Variants in CNTNAP2 observed in about 807,000 individuals in gnomAD.
The protein encoded by CNTNAP2 is contactin-associated protein-like 2.
Under a neutral mutation model 155.2 loss-of-function variants are expected in CNTNAP2, and 98 were observed. That is an observed-to-expected ratio of 0.63 (90% CI 0.54 to 0.75). The LOEUF (loss-of-function observed/expected upper bound fraction) is 0.75. Ranked by LOEUF, CNTNAP2 falls within the 30% of genes least tolerant of loss-of-function variation. CNTNAP2 has a pLI of 0.00. For missense variants in CNTNAP2, 1,727 were observed against 1,688.1 expected (o/e 1.02, Z -0.40); for synonymous variants, 651 against 631.2 (o/e 1.03, Z -0.47).
intron 14 of CNTNAP2, among the ~76,000 whole-genome samples, chr7:147,907,347 C>T (rs938896686): frequency 2.0e-5 from 3 of 152,304 alleles, no homozygotes; most frequent in African/African-American, 7.2e-5. Flanking sequence ...TGAGCCATCG[C>T]GCCCAGCCAT....
intron 8 of CNTNAP2, among the ~76,000 whole-genome samples, chr7:147,137,370 T>C (rs573807130): frequency 1.3e-5 from 2 of 151,576 alleles, no homozygotes; most frequent in Non-Finnish European, 3.0e-5. Context: ...AATAATATAA[T>C]ACTAATGTTG....
intron 17 of CNTNAP2, among the ~76,000 whole-genome samples, chr7:148,161,135 A>T (rs1237764217): frequency 6.6e-6 from 1 of 152,172 alleles, no homozygotes; most frequent in Non-Finnish European, 1.5e-5. Flanking sequence ...TCTTATTCTT[A>T]TAGTTTGTCA....
At chr7:146,136,183 T>C (rs1237674081) in intron 1 of CNTNAP2, among the ~76,000 whole-genome samples, 1 of 152,204 alleles carries the variant, frequency 6.6e-6, no homozygotes, top group East Asian at 1.9e-4. Flanking sequence ...GATTGATCAG[T>C]GTACTCTATG....
chr7:147,941,615 A>C (rs1484861099), intron 14 of CNTNAP2, among the ~76,000 whole-genome samples: 1 of 152,186 alleles, frequency 6.6e-6, no homozygotes, highest in Non-Finnish European at 1.5e-5. Flanking sequence ...TCTCTTCCAG[A>C]GTTCTTACTC....
At chr7:147,207,663 T>A (rs911708331) in intron 8 of CNTNAP2, among the ~76,000 whole-genome samples, 1 of 152,096 alleles carries the variant, frequency 6.6e-6, no homozygotes, top group Non-Finnish European at 1.5e-5. Context: ...GTTCTATAAG[T>A]TTTTTTAGCT....
chr7:147,439,354 A>G (rs978609752), intron 10 of CNTNAP2, among the ~76,000 whole-genome samples: 20 of 152,096 alleles, frequency 1.3e-4, no homozygotes, highest in African/African-American at 4.8e-4. Context: ...CTGGTTATTC[A>G]GGAGCATATT....
intron 13 of CNTNAP2, among the ~76,000 whole-genome samples, chr7:147,657,384 G>A (rs1795540082): frequency 6.6e-6 from 1 of 152,168 alleles, no homozygotes; most frequent in African/African-American, 2.4e-5. Context: ...AAATTCAATG[G>A]GAGGGGTTGG....
chr7:146,256,474 G>T (rs1799838830), intron 1 of CNTNAP2, among the ~76,000 whole-genome samples: 1 of 151,748 alleles, frequency 6.6e-6, no homozygotes, highest in Admixed American at 6.6e-5. Context: ...AAAAATATGG[G>T]TAGTATTTTT....
At chr7:148,003,472 G>A (rs1222935902) in intron 15 of CNTNAP2, among the ~76,000 whole-genome samples, 5 of 152,118 alleles carry the variant, frequency 3.3e-5, no homozygotes, top group Non-Finnish European at 7.3e-5. Flanking sequence ...AAAAGTACAA[G>A]AGCAAGCATA....
At chr7:148,036,328 T>A (rs966121978) in intron 15 of CNTNAP2, among the ~76,000 whole-genome samples, 3 of 152,304 alleles carry the variant, frequency 2.0e-5, no homozygotes, top group African/African-American at 7.2e-5. Flanking sequence ...TGTTAGAAAC[T>A]TGATCCCTAA....
intron 15 of CNTNAP2, among the ~76,000 whole-genome samples, chr7:148,088,170 G>C (rs1803771094): frequency 6.6e-6 from 1 of 151,882 alleles, no homozygotes; most frequent in Non-Finnish European, 1.5e-5. Context: ...TTTGCATTTT[G>C]CTTTCCCACC....
In CNTNAP2 at chr7:147,423,009, C is replaced by G. The variant is rs551699619; in HGVS notation, c.1670+27229C>G. 6.6e-5 allele frequency among the ~76,000 whole-genome samples: 10 copies of G among 152,248 alleles called. No individual in the cohort carries two copies. The South Asian group carries it at 1.2e-3, about 19-fold the overall frequency. On this transcript the variant is annotated intron_variant, in intron 10 of 23. Coordinates refer to ENST00000361727, the MANE Select transcript of CNTNAP2 (RefSeq NM_014141.6). The stretch of plus-strand genomic sequence containing the variant: ...AAATCAATTGTAGATAATGAATGAT[C>G]GAGCTACTTTTCTGACCAGTCAAGA...
chr7:147,060,182 TA>T (rs376471035), intron 4 of CNTNAP2, among the ~76,000 whole-genome samples: 19 of 138,166 alleles, frequency 1.4e-4, no homozygotes, highest in South Asian at 2.3e-4. Flanking sequence ...AGTAACAATT[TA>T]AAAAAAAAAA....
At chr7:146,330,372 C>A (rs1170227747) in intron 1 of CNTNAP2, among the ~76,000 whole-genome samples, 1 of 152,084 alleles carries the variant, frequency 6.6e-6, no homozygotes, top group Non-Finnish European at 1.5e-5. Flanking sequence ...GTTTTAGATT[C>A]TGGAAGCATC....
intron 3 of CNTNAP2, among the ~76,000 whole-genome samples, chr7:146,963,913 G>T (rs981777972): frequency 1.3e-5 from 2 of 151,792 alleles, no homozygotes; most frequent in African/African-American, 4.8e-5. Flanking sequence ...GAAGACACTG[G>T]TTTATTTATT....
At chr7:147,298,155 G>A (rs1196515618) in intron 8 of CNTNAP2, among the ~76,000 whole-genome samples, 3 of 152,088 alleles carry the variant, frequency 2.0e-5, no homozygotes, top group Non-Finnish European at 4.4e-5. Context: ...GTGGCCAGGC[G>A]CAGTGGCTCA....
At chr7:147,925,803 A>G (rs1800388406) in intron 14 of CNTNAP2, among the ~76,000 whole-genome samples, 1 of 152,190 alleles carries the variant, frequency 6.6e-6, no homozygotes, top group African/African-American at 2.4e-5. Context: ...TGCAGCTATC[A>G]TTAGAGCATC....
chr7:147,857,038 T>C lies in CNTNAP2; in HGVS notation c.2099-46527T>C, dbSNP rs138127540. The stretch of plus-strand genomic sequence containing the variant: ...CTGGGACAAAGAAGATGACAGACTT[T>C]ATTGGTAACATTAGGCCAGAATGAT... On this transcript the variant is annotated intron_variant, in intron 13 of 23. Coordinates refer to ENST00000361727, the MANE Select transcript of CNTNAP2 (RefSeq NM_014141.6). 2.0e-5 allele frequency among the ~76,000 whole-genome samples: 3 copies of C among 152,352 alleles called. No individual in the cohort carries two copies. The East Asian group carries it at 5.8e-4, about 29-fold the overall frequency.
At chr7:148,373,569 C>A (rs1798928952) in intron 21 of CNTNAP2, among the ~76,000 whole-genome samples, 1 of 152,180 alleles carries the variant, frequency 6.6e-6, no homozygotes, top group Non-Finnish European at 1.5e-5. Flanking sequence ...CTGGGACCAC[C>A]CTCCTACATG....
Sources: allele counts gnomAD v4.1 joint callset (sites outside exome capture counted in the v4.1 genomes callset), GRCh38; gene constraint gnomAD v4.1.1; transcripts MANE v1.5; gene names NCBI Gene and HGNC (gene_info 2026-07-23, HGNC 2026-07-21).